SF3B2: variants seen among roughly 807,000 people sequenced by gnomAD.
SF3B2 encodes the protein splicing factor 3b subunit 2.
A neutral mutation model predicts 116.3 loss-of-function variants in SF3B2; 22 were observed. The ratio of observed to expected loss-of-function variants is 0.19; its 90% confidence interval spans 0.14 to 0.27. The LOEUF (loss-of-function observed/expected upper bound fraction) is 0.27. Among genes scored for constraint, SF3B2 ranks in the 10% least tolerant of loss-of-function variants. The pLI is 1.00. For missense variants in SF3B2, 767 were observed against 1,151.4 expected (o/e 0.67, Z 4.83); for synonymous variants, 406 against 421.6 (o/e 0.96, Z 0.45).
chr11:66,062,010 C>T lies in SF3B2; in HGVS notation c.1977+12C>T, dbSNP rs1857107904. On this transcript the variant is annotated intron_variant, in intron 16 of 21. Transcript: ENST00000322535. ...CGCCCATCCCTGAGGTGAGCATTGTCCTTTCGTTCATTCTTGGCCATTTCT... is the reference window on the plus strand; with the variant it reads ...CGCCCATCCCTGAGGTGAGCATTGTTCTTTCGTTCATTCTTGGCCATTTCT... 1 of 1,592,430 alleles carries T rather than the reference C, an allele frequency of 6.3e-7. No individual in the cohort carries two copies. Among genetic ancestry groups the T allele is most frequent in the Non-Finnish European group, 8.6e-7 (1 of 1,166,198 alleles).
intron 19 of SF3B2, 58 bp from the exon 20 acceptor site, chr11:66,067,888 G>A (rs551324833): frequency 4.2e-6 from 6 of 1,434,118 alleles, no homozygotes; most frequent in African/African-American, 2.8e-5. Flanking sequence ...TTTTGTTTCC[G>A]CTTCTGGAGA....
In SF3B2 at chr11:66,068,872, TAAAG is replaced by T. The variant is rs1857240587; in HGVS notation, c.*128_*131del. On this transcript the variant is annotated 3_prime_UTR_variant, in exon 22 of 22. Coordinates refer to ENST00000322535, the MANE Select transcript of SF3B2 (RefSeq NM_006842.3). ...TCTTATTTTAGACCTGTTTTGTAAATAAAGCTGTTTCCCAAGGAAAGAGATGAAT... is the reference window on the plus strand; with the variant it reads ...TCTTATTTTAGACCTGTTTTGTAAATCTGTTTCCCAAGGAAAGAGATGAAT... The T allele has an allele frequency of 2.7e-6, 2 of 741,088 alleles. No homozygotes were observed. The highest frequency in any genetic ancestry group is 2.3e-6 in the Non-Finnish European group (1 of 439,762). The allele number at this position is 741,088 out of a possible 1,614,324, so 45.9% of individuals were successfully genotyped here. A position where few individuals can be genotyped will look rare whatever the true frequency, so the allele number is the denominator to read the frequency against.
chr11:66,067,020 C>G, intron 19 of SF3B2: 1 of 191,342 alleles, frequency 5.2e-6, no homozygotes, highest in South Asian at 9.1e-5. Flanking sequence ...GGGCTCATCA[C>G]ATTTGTTTCC....
intron 19 of SF3B2, chr11:66,067,412 C>T (rs1398602113): frequency 6.6e-6 from 3 of 456,206 alleles, no homozygotes; most frequent in Non-Finnish European, 1.3e-5. Flanking sequence ...ATTGTCACCT[C>T]TTCCAGCGGG....
chr11:66,065,437 G>A (rs1857166168), intron 19 of SF3B2: 1 of 152,104 alleles, frequency 6.6e-6, no homozygotes, highest in African/African-American at 2.4e-5. Context: ...ACTACAATGT[G>A]CCTTGGTGTA....
At chr11:66,061,851 A>G in intron 15 of SF3B2, 40 bp from the exon 16 acceptor site, 1 of 1,605,496 alleles carries the variant, frequency 6.2e-7, no homozygotes, top group Non-Finnish European at 8.5e-7. Context: ...AGACAGGGAT[A>G]GGGTTTGGCA....
At chr11:66,060,760 C>T in intron 14 of SF3B2, 29 bp downstream of exon 14, 1 of 1,611,506 alleles carries the variant, frequency 6.2e-7, no homozygotes, top group South Asian at 1.1e-5. Context: ...AGAGGTCAGG[C>T]TGGGCCTTGG....
At chr11:66,062,146 GTA>G (rs1381389831) in intron 16 of SF3B2, 148 bp downstream of exon 16, 3 of 647,232 alleles carry the variant, frequency 4.6e-6, no homozygotes, top group Non-Finnish European at 5.3e-6. Context: ...TATACCATGT[GTA>G]TGTGTAGAAA....
At chr11:66,063,353 T>G in intron 17 of SF3B2, 47 bp from the exon 18 acceptor site, 1 of 1,564,604 alleles carries the variant, frequency 6.4e-7, no homozygotes, top group Non-Finnish European at 8.7e-7. Context: ...TGGCACATAA[T>G]AGGTACTTAG....
In SF3B2 at chr11:66,059,136, G is replaced by T; in HGVS notation, c.1183-65G>T. The T allele has an allele frequency of 1.2e-6, 2 of 1,611,590 alleles. No homozygotes were observed. Among genetic ancestry groups the T allele is most frequent in the Non-Finnish European group, 1.7e-6 (2 of 1,178,556 alleles). On this transcript the variant is annotated intron_variant, in intron 10 of 21. Coordinates refer to ENST00000322535, the MANE Select transcript of SF3B2 (RefSeq NM_006842.3). This position sits in a 1 kb window ranked among gnomAD's most constrained non-coding sequence, Gnocchi z 5.0. ...GGCAGCGGTGAACAGGCATCTTTTA[G>T]TGCTGGCCTTAGGAACTGGGAAGGG...
chr11:66,059,553 G>A lies in SF3B2; in HGVS notation c.1359G>A (p.Lys453=), dbSNP rs1355950874. The change falls in exon 12 of 22, where the codon AAG becomes AAA. Residue 453 remains lysine (K), a synonymous_variant. Coordinates refer to ENST00000322535, the MANE Select transcript of SF3B2 (RefSeq NM_006842.3). This position sits in a 1 kb window ranked among gnomAD's most constrained non-coding sequence, Gnocchi z 5.0. ...KPEAPKLSKK[K]LRRMNRFTVA... is the part of the protein sequence containing the mutation. ...AAGCCCCCAAGCTGTCCAAGAAGAA[G>A]TTGCGCCGAATGAACCGCTTCACTG... 5.0e-6 allele frequency: 8 copies of A among 1,614,068 alleles called. No individual in the cohort carries two copies. Among genetic ancestry groups the A allele is most frequent in the Non-Finnish European group, 6.8e-6 (8 of 1,180,028 alleles).
In SF3B2 at chr11:66,055,547, T is replaced by A; in HGVS notation, c.511T>A (p.Ser171Thr). The A allele has an allele frequency of 6.2e-7, 1 of 1,614,202 alleles. No individual in the cohort carries two copies. Residue 171 changes from serine (S) to threonine (T), a missense_variant, in exon 5 of 22, where the codon TCG becomes ACG. By Grantham distance (58) the Ser-to-Thr change is moderately conservative. This residue lies in a region of SF3B2 where 455 missense variants were observed against 537.5 expected (regional missense o/e 0.85). Transcript: ENST00000322535. Reference protein sequence around the residue: ...EERAKQQGDHSLKEHELLEQQ... With the variant: ...EERAKQQGDHTLKEHELLEQQ... ...TTTCTTTTTTAAGCAGGGAGATCAT[T>A]CGCTGAAGGAACATGAGCTCTTGGA...
chr11:66,052,785 A>G, intron 2 of SF3B2, 66 bp downstream of exon 2: 1 of 1,490,150 alleles, frequency 6.7e-7, no homozygotes, highest in Non-Finnish European at 9.0e-7. Context: ...ATACCCCATC[A>G]CGGCTCGGTC....
At chr11:66,064,982 T>C (rs1857156849) in intron 19 of SF3B2, 1 of 152,110 alleles carries the variant, frequency 6.6e-6, no homozygotes. Flanking sequence ...CTTTTTTTTT[T>C]CTTCTTTGAG....
chr11:66,055,540 A>T lies in SF3B2; in HGVS notation c.504A>T (p.Gly168=), dbSNP rs1349927951. The T allele has an allele frequency of 6.2e-7, 1 of 1,614,038 alleles. No homozygotes were observed. The highest frequency in any genetic ancestry group is 8.5e-7 in the Non-Finnish European group (1 of 1,180,028). Residue 168 remains glycine (G), a synonymous_variant, in exon 5 of 22, where the codon GGA becomes GGT. Transcript: ENST00000322535. ...MQQEERAKQQ[G]DHSLKEHELL... is the part of the protein sequence containing the mutation. ...AACTTGTTTTCTTTTTTAAGCAGGGAGATCATTCGCTGAAGGAACATGAGC... is the reference window on the plus strand; with the variant it reads ...AACTTGTTTTCTTTTTTAAGCAGGGTGATCATTCGCTGAAGGAACATGAGC...
intron 5 of SF3B2, 135 bp from the exon 6 acceptor site, chr11:66,056,703 G>A (rs1028335556): frequency 1.5e-6 from 1 of 654,000 alleles, no homozygotes; most frequent in Non-Finnish European, 2.8e-6. Context: ...GTGTGGGGGT[G>A]GAGGGGATGT....
At position 66,059,372 on chromosome 11, in the gene SF3B2, C is replaced by T; in HGVS notation, c.1320+34C>T. On this transcript the variant is annotated intron_variant, in intron 11 of 21. Coordinates refer to ENST00000322535, the MANE Select transcript of SF3B2 (RefSeq NM_006842.3). This position sits in a 1 kb window ranked among gnomAD's most constrained non-coding sequence, Gnocchi z 5.0. ...CAGCCCTCCTGGTGGGAAGCAGGGA[C>T]TCTGGGCACAGGTGGCTGAGATGCA... 6.2e-7 allele frequency: 1 copy of T among 1,613,182 alleles called. No homozygotes were observed. Among genetic ancestry groups the T allele is most frequent in the Non-Finnish European group, 8.5e-7 (1 of 1,179,490 alleles).
chr11:66,068,800 A>C lies in SF3B2; in HGVS notation c.*55A>C. The C allele has an allele frequency of 2.2e-6, 3 of 1,362,116 alleles. No homozygotes were observed. Among genetic ancestry groups the C allele is most frequent in the Non-Finnish European group, 3.1e-6 (3 of 955,130 alleles). The allele number at this position is 1,362,116 out of a possible 1,614,324, so 84.4% of individuals were successfully genotyped here. On this transcript the variant is annotated 3_prime_UTR_variant, in exon 22 of 22. Coordinates refer to ENST00000322535, the MANE Select transcript of SF3B2 (RefSeq NM_006842.3). Reference sequence around the variant, plus strand: ...CTACGTCTGGATGCCTGGGCTTCACACAAGAACCACCTCTCCCGCAGTTCC... The same window carrying C: ...CTACGTCTGGATGCCTGGGCTTCACCCAAGAACCACCTCTCCCGCAGTTCC...
At chr11:66,067,636 A>T in intron 19 of SF3B2, 1 of 478,126 alleles carries the variant, frequency 2.1e-6, no homozygotes. Flanking sequence ...TCTCTGTACC[A>T]AAGTTCTTTT....
Sources: allele counts gnomAD v4.1 joint callset, GRCh38; gene constraint gnomAD v4.1.1; regional missense constraint gnomAD v4.1.1; non-coding constraint Gnocchi (gnomAD v3.1); transcripts MANE v1.5; gene names NCBI Gene and HGNC (gene_info 2026-07-23, HGNC 2026-07-21).